Variants in ZEB2 observed in about 807,000 individuals in gnomAD.
ZEB2 encodes the protein zinc finger E-box-binding homeobox 2.
A neutral mutation model predicts 99.9 loss-of-function variants in ZEB2; 6 were observed. The observed-to-expected ratio is 0.06, with a 90% CI of 0.03 to 0.12. The LOEUF (loss-of-function observed/expected upper bound fraction) is 0.12. ZEB2 is among the 10% of genes least tolerant of loss of function. The pLI, the probability that ZEB2 is intolerant of heterozygous loss-of-function variation, is 1.00. For missense variants in ZEB2, 969 were observed against 1,502.8 expected (o/e 0.64, Z 5.87); for synonymous variants, 517 against 542.5 (o/e 0.95, Z 0.65).
At chr2:144,475,772 A>G (rs765023886) in intron 2 of ZEB2, among the ~76,000 whole-genome samples, 1 of 152,180 alleles carries the variant, frequency 6.6e-6, no homozygotes, top group South Asian at 2.1e-4. Context: ...GGACTTACCT[A>G]TCTGTCAAAC....
chr2:144,460,030 T>A (rs973378535), intron 2 of ZEB2, among the ~76,000 whole-genome samples: 2 of 152,140 alleles, frequency 1.3e-5, no homozygotes, highest in Non-Finnish European at 2.9e-5. Flanking sequence ...AGGTTAAGGT[T>A]GGCCAGGGCT....
intron 7 of ZEB2, 149 bp from the exon 8 acceptor site, chr2:144,400,419 A>G: frequency 1.1e-6 from 1 of 885,764 alleles, no homozygotes; most frequent in Non-Finnish European, 1.7e-6. Flanking sequence ...TTATGTGACC[A>G]TAACCATTTC....
intron 2 of ZEB2, among the ~76,000 whole-genome samples, chr2:144,447,835 C>T (rs1252834040): frequency 1.3e-5 from 2 of 152,220 alleles, no homozygotes. Context: ...TGTGAATGCT[C>T]CTGCCTGATA....
chr2:144,389,355 C>T lies in ZEB2; in HGVS notation c.*96G>A. On this transcript the variant is annotated 3_prime_UTR_variant, in exon 10 of 10. Transcript: ENST00000627532. The surrounding 1 kb of genome is among the most constrained non-coding windows in gnomAD (Gnocchi z 6.8). ...CCTCTCTACAGCTTCCTGGAAGCGT[C>T]AGGCACGTGCATGAACAGCTTAACA... 7.1e-7 allele frequency: 1 copy of T among 1,406,708 alleles called. No individual in the cohort carries two copies. The allele number at this position is 1,406,708 out of a possible 1,614,324, so 87.1% of individuals were successfully genotyped here.
chr2:144,486,920 G>A (rs1704605206), intron 2 of ZEB2, among the ~76,000 whole-genome samples: 1 of 152,012 alleles, frequency 6.6e-6, no homozygotes, highest in Admixed American at 6.6e-5. Flanking sequence ...GATGATTTTG[G>A]GGCTCAAACA....
At chr2:144,441,061 C>T (rs189838849) in intron 2 of ZEB2, among the ~76,000 whole-genome samples, 86 of 148,312 alleles carry the variant, frequency 5.8e-4, no homozygotes, top group Admixed American at 1.4e-4. Flanking sequence ...TTGCCGCCAC[C>T]AGACACGGCT....
intron 2 of ZEB2, chr2:144,512,112 T>C (rs779586387): frequency 3.3e-5 from 42 of 1,287,070 alleles, no homozygotes; most frequent in South Asian, 1.4e-4. Context: ...CCCAGCACCA[T>C]TGACGTTATA....
Position 144,490,682 on chromosome 2 carries a change from T to C in ZEB2, c.73+26596A>G, listed in dbSNP as rs367918213. Among the ~76,000 whole-genome samples the C allele has an allele frequency of 3.3e-5, 5 of 152,322 alleles. No individual in the cohort carries two copies. The East Asian group carries it at 7.7e-4, about 23-fold the overall frequency. ...TGAAAGTGAAGTGCTTTCTGCAACT[T>C]TGACACAATAAAATGAAGCTATGGA... is the stretch of plus-strand genomic sequence containing the variant. On this transcript the variant is annotated intron_variant, in intron 2 of 9. Coordinates refer to ENST00000627532, the MANE Select transcript of ZEB2 (RefSeq NM_014795.4).
At chr2:144,488,753 C>A (rs1704635361) in intron 2 of ZEB2, among the ~76,000 whole-genome samples, 1 of 151,184 alleles carries the variant, frequency 6.6e-6, no homozygotes, top group African/African-American at 2.4e-5. Context: ...TGAGCTCATC[C>A]ATTTGTTAGG....
intron 4 of ZEB2, among the ~76,000 whole-genome samples, chr2:144,420,204 T>C (rs749992301): frequency 7.9e-5 from 12 of 152,222 alleles, no homozygotes; most frequent in African/African-American, 1.2e-4. Flanking sequence ...AACATTTTTT[T>C]AGTCACTTAC....
At position 144,398,502 on chromosome 2, in the gene ZEB2, G is replaced by A; in HGVS notation, c.2685C>T (p.Tyr895=). ...ATGCGCTTTGAGGTGGAAGAGCTGT[G>A]TATAAAGGTTTGGCACTAAATGGGT... ...SMNPFSAKPL[Y]TALPPQSAFP... The change falls in exon 8 of 10, where the codon TAC becomes TAT. Residue 895 remains tyrosine, a synonymous_variant. Transcript: ENST00000627532. The A allele has an allele frequency of 1.9e-6, 3 of 1,614,082 alleles. No homozygotes were observed. The highest frequency in any genetic ancestry group is 2.5e-6 in the Non-Finnish European group (3 of 1,180,002).
chr2:144,459,073 G>C (rs1704158609), intron 2 of ZEB2, among the ~76,000 whole-genome samples: 3 of 152,022 alleles, frequency 2.0e-5, no homozygotes, highest in Non-Finnish European at 4.4e-5. Context: ...ACACATATAT[G>C]TATTACATAT....
In ZEB2 at chr2:144,399,801, C is replaced by A. The variant is rs780523431; in HGVS notation, c.1386G>T (p.Lys462Asn). The change falls in exon 8 of 10, where the codon AAG becomes AAT. Residue 462 changes from lysine (K) to asparagine (N), a missense_variant. Physicochemically the swap from Lys to Asn is moderately conservative, Grantham distance 94. Coordinates refer to ENST00000627532, the MANE Select transcript of ZEB2 (RefSeq NM_014795.4). This position sits in a 1 kb window ranked among gnomAD's most constrained non-coding sequence, Gnocchi z 5.6. ...TMNSNLSEVQ[K>N]VLQIVDNTVS... is the part of the protein sequence containing the mutation. ...CAGTATTGTCCACAATCTGTAGAAC[C>A]TTTTGTACCTCACTTAAATTACTAT... 6 of 1,614,046 alleles carry A rather than the reference C, an allele frequency of 3.7e-6. No homozygotes were observed. The highest frequency in any genetic ancestry group is 5.1e-6 in the Non-Finnish European group (6 of 1,180,044).
At chr2:144,471,506 T>TTC (rs778159854) in intron 2 of ZEB2, among the ~76,000 whole-genome samples, 4 of 150,762 alleles carry the variant, frequency 2.7e-5, no homozygotes, top group East Asian at 1.9e-4. Flanking sequence ...ATGCACACTC[T>TTC]TCTCTCTCTC....
chr2:144,518,840 A>G (rs1413950631), intron 1 of ZEB2: 4 of 152,248 alleles, frequency 2.6e-5, no homozygotes, highest in Admixed American at 1.3e-4. Context: ...ACACGACTGC[A>G]TATAAATACA....
At chr2:144,517,938 C>A in intron 1 of ZEB2, 1 of 397,034 alleles carries the variant, frequency 2.5e-6, no homozygotes. Context: ...GAAGCCCACT[C>A]GCCCAGCGCC....
At chr2:144,396,728 G>T in intron 8 of ZEB2, 136 bp from the exon 9 acceptor site, 1 of 881,998 alleles carries the variant, frequency 1.1e-6, no homozygotes, top group Non-Finnish European at 1.8e-6. Flanking sequence ...TTTTTTCCAT[G>T]AACAATATAT....
At chr2:144,429,664 A>T (rs771134131) in intron 3 of ZEB2, 105 bp downstream of exon 3, 57 of 1,576,294 alleles carry the variant, frequency 3.6e-5, no homozygotes, top group Non-Finnish European at 4.9e-5. Flanking sequence ...CTCAATGGAA[A>T]GAAATATTTT....
At chr2:144,469,822 A>G (rs1704330428) in intron 2 of ZEB2, among the ~76,000 whole-genome samples, 3 of 152,194 alleles carry the variant, frequency 2.0e-5, no homozygotes, top group Admixed American at 2.0e-4. Flanking sequence ...CTGATTTACA[A>G]ACAAATTACT....
Sources: allele counts gnomAD v4.1 joint callset (sites outside exome capture counted in the v4.1 genomes callset), GRCh38; gene constraint gnomAD v4.1.1; non-coding constraint Gnocchi (gnomAD v3.1); transcripts MANE v1.5; gene names NCBI Gene and HGNC (gene_info 2026-07-23, HGNC 2026-07-21).